CEACAM5: variants seen among roughly 807,000 people sequenced by gnomAD.
The protein encoded by CEACAM5 is cell adhesion molecule CEACAM5.
Under a neutral mutation model 63.0 loss-of-function variants are expected in CEACAM5, and 52 were observed. The ratio of observed to expected loss-of-function variants is 0.83; its 90% CI spans 0.66 to 1.04. CEACAM5 has a LOEUF of 1.04. CEACAM5 is among the 50% of genes least tolerant of loss of function. CEACAM5 has a pLI of 0.00. For missense variants in CEACAM5, 790 were observed against 864.8 expected (o/e 0.91, Z 1.08); for synonymous variants, 357 against 351.3 (o/e 1.02, Z -0.18).
At chr19:41,724,791 A>T (rs186766948) in intron 8 of CEACAM5, among the ~76,000 whole-genome samples, 2 of 152,232 alleles carry the variant, frequency 1.3e-5, no homozygotes, top group African/African-American at 4.8e-5. Context: ...GTGTAGAAGT[A>T]CAACTGATGT....
chr19:41,720,874 C>T (rs1489444483), intron 7 of CEACAM5, 48 bp from the exon 8 acceptor site: 9 of 1,604,102 alleles, frequency 5.6e-6, no homozygotes, highest in Non-Finnish European at 7.7e-6. Context: ...CAGGAGCTTC[C>T]CCTTTCCTCT....
intron 8 of CEACAM5, among the ~76,000 whole-genome samples, chr19:41,726,321 G>A (rs569148017): frequency 2.0e-5 from 3 of 152,304 alleles, no homozygotes; most frequent in Admixed American, 6.5e-5. Context: ...CTACCCAACA[G>A]GGTTATTGTA....
chr19:41,723,057 G>A (rs932959838), intron 8 of CEACAM5, among the ~76,000 whole-genome samples: 5 of 151,884 alleles, frequency 3.3e-5, no homozygotes, highest in African/African-American at 1.2e-4. Flanking sequence ...ACAGGTGCCC[G>A]CCAACAAGCT....
chr19:41,714,129 C>T (rs2072481155), intron 2 of CEACAM5, among the ~76,000 whole-genome samples: 1 of 152,098 alleles, frequency 6.6e-6, no homozygotes, highest in African/African-American at 2.4e-5. Context: ...ACAGGAGAAT[C>T]GCTTGAACCC....
chr19:41,711,954 C>G (rs2072442704), intron 2 of CEACAM5, among the ~76,000 whole-genome samples: 1 of 152,300 alleles, frequency 6.6e-6, no homozygotes, highest in East Asian at 1.9e-4. Context: ...CAGGCTCCAT[C>G]ACAAGCCAAT....
At chr19:41,726,840 C>T (rs1346732400) in intron 8 of CEACAM5, among the ~76,000 whole-genome samples, 6 of 152,154 alleles carry the variant, frequency 3.9e-5, no homozygotes, top group African/African-American at 1.4e-4. Context: ...ATACAGAATG[C>T]ACTAGCCTGG....
intron 1 of CEACAM5, among the ~76,000 whole-genome samples, chr19:41,709,155 C>T (rs1253164167): frequency 3.9e-5 from 6 of 152,246 alleles, no homozygotes; most frequent in African/African-American, 1.4e-4. Flanking sequence ...CCCTGGGAAC[C>T]CTCATGAACT....
intron 6 of CEACAM5, 92 bp downstream of exon 6, chr19:41,718,474 T>C (rs1555815537): frequency 1.9e-5 from 27 of 1,419,444 alleles, no homozygotes; most frequent in Middle Eastern, 1.8e-4. Context: ...TCTTTCCTAG[T>C]ATGCATCCAA....
intron 6 of CEACAM5, among the ~76,000 whole-genome samples, chr19:41,719,571 T>C (rs2122811631): frequency 6.6e-6 from 1 of 152,286 alleles, no homozygotes; most frequent in South Asian, 2.1e-4. Flanking sequence ...TGTGGGACCG[T>C]GCAGCTGAAC....
At chr19:41,712,244 G>A (rs1462501970) in intron 2 of CEACAM5, among the ~76,000 whole-genome samples, 2 of 152,216 alleles carry the variant, frequency 1.3e-5, no homozygotes, top group Non-Finnish European at 2.9e-5. Flanking sequence ...GGTGGAGCTG[G>A]CCAGGCAGGT....
chr19:41,721,719 T>A (rs782277162), intron 8 of CEACAM5, among the ~76,000 whole-genome samples: 2 of 152,214 alleles, frequency 1.3e-5, no homozygotes, highest in Non-Finnish European at 2.9e-5. Flanking sequence ...CCGGGGCATG[T>A]GGAGAAGGTG....
In CEACAM5 at chr19:41,718,395, C is replaced by G. The variant is rs1555815489; in HGVS notation, c.1492+13C>G. On this transcript the variant is annotated intron_variant, in intron 6 of 9. Transcript: ENST00000221992. ...ATCACAGTCTCTGGTAAGTGGATCC[C>G]TGGACCGTTAGCAATATGTTCTGGA... The G allele has an allele frequency of 1.2e-6, 2 of 1,612,956 alleles. No homozygotes were observed. Among genetic ancestry groups the G allele is most frequent in the Non-Finnish European group, 1.7e-6 (2 of 1,179,206 alleles).
chr19:41,718,400 C>A lies in CEACAM5; in HGVS notation c.1492+18C>A. 6.2e-7 allele frequency: 1 copy of A among 1,612,490 alleles called. No homozygotes were observed. Among genetic ancestry groups the A allele is most frequent in the Non-Finnish European group, 8.5e-7 (1 of 1,178,810 alleles). On this transcript the variant is annotated intron_variant, in intron 6 of 9. Coordinates refer to ENST00000221992, the MANE Select transcript of CEACAM5 (RefSeq NM_004363.6). ...AGTCTCTGGTAAGTGGATCCCTGGA[C>A]CGTTAGCAATATGTTCTGGAGCGGA... is the stretch of plus-strand genomic sequence containing the variant.
chr19:41,715,060 C>G lies in CEACAM5; in HGVS notation c.514C>G (p.Gln172Glu). 1 of 1,614,234 alleles carries G rather than the reference C, an allele frequency of 6.2e-7. No homozygotes were observed. Among genetic ancestry groups the G allele is most frequent in the South Asian group, 1.1e-5 (1 of 91,088 alleles). Residue 172 changes from glutamine to glutamate, a missense_variant, in exon 3 of 10, where the codon CAG becomes GAG. Gln to Glu is a conservative substitution (Grantham distance 29). Transcript: ENST00000221992. ...GGCCTTCACCTGTGAACCTGAGACTCAGGACGCAACCTACCTGTGGTGGGT... is the reference window on the plus strand; with the variant it reads ...GGCCTTCACCTGTGAACCTGAGACTGAGGACGCAACCTACCTGTGGTGGGT... The part of the protein sequence containing the change: ...AVAFTCEPET[Q>E]DATYLWWVNN...
At chr19:41,728,656 ACGT>A (rs2072731362) in intron 9 of CEACAM5, among the ~76,000 whole-genome samples, 1 of 152,074 alleles carries the variant, frequency 6.6e-6, no homozygotes, top group Admixed American at 6.6e-5. Flanking sequence ...GCATGGTGGC[ACGT>A]GCCTGTAATT....
At position 41,729,187 on chromosome 19, in the gene CEACAM5, G is replaced by C. The variant is rs1286284460; in HGVS notation, c.*40G>C. 2 of 152,170 alleles carry C rather than the reference G, an allele frequency of 1.3e-5. No individual in the cohort carries two copies. The highest frequency in any genetic ancestry group is 4.8e-5 in the African/African-American group (2 of 41,448). The allele number at this position is 152,170 out of a possible 1,614,324, so 9.4% of individuals were successfully genotyped here. On this transcript the variant is annotated 3_prime_UTR_variant, in exon 10 of 10. Transcript: ENST00000221992. ...TTTAAATCTTTGTCATTCACAGACA[G>C]TTGTTTTGCTTCTTCCTTAAAGCAT...
intron 8 of CEACAM5, 77 bp downstream of exon 8, chr19:41,721,253 C>T: frequency 1.3e-6 from 2 of 1,511,878 alleles, no homozygotes; most frequent in Non-Finnish European, 1.8e-6. Context: ...GCCAAGAAGA[C>T]ATTTTCTTTC....
intron 8 of CEACAM5, among the ~76,000 whole-genome samples, chr19:41,725,553 T>C (rs1384132318): frequency 6.6e-6 from 1 of 152,042 alleles, no homozygotes; most frequent in Non-Finnish European, 1.5e-5. Flanking sequence ...AAAGAAATTT[T>C]GTAGACACTG....
intron 6 of CEACAM5, among the ~76,000 whole-genome samples, chr19:41,718,917 G>A (rs369309145): frequency 2.6e-5 from 4 of 152,236 alleles, no homozygotes; most frequent in Non-Finnish European, 4.4e-5. Context: ...GGTGGGATCC[G>A]GGCATGTGGA....
Sources: gnomAD v4.1 joint callset for allele counts (sites outside exome capture counted in the v4.1 genomes callset) on GRCh38, gnomAD v4.1.1 for gene constraint, MANE v1.5 for transcripts, NCBI Gene and HGNC (gene_info 2026-07-23, HGNC 2026-07-21) for gene names.